The following MAN2A1 variants were observed in gnomAD, a reference collection of about 807,000 sequenced individuals.
The protein encoded by MAN2A1 is mannosidase alpha class 2A member 1.
Under a neutral mutation model 142.6 loss-of-function variants are expected in MAN2A1, and 76 were observed. That is an observed-to-expected ratio of 0.53 (90% CI 0.44 to 0.65). The LOEUF (loss-of-function observed/expected upper bound fraction) is 0.65. MAN2A1 is among the 30% of genes least tolerant of loss of function. The pLI is 0.00. For synonymous variants in MAN2A1, 559 were observed against 473.2 expected (o/e 1.18, Z -2.35); for missense variants, 1,311 against 1,365.1 (o/e 0.96, Z 0.62).
At chr5:109,805,556 C>T (rs1754142741) in intron 12 of MAN2A1, among the ~76,000 whole-genome samples, 1 of 152,214 alleles carries the variant, frequency 6.6e-6, no homozygotes, top group Admixed American at 6.5e-5. Flanking sequence ...GCAGATCTCA[C>T]TGTCAGATGC....
At chr5:109,855,098 G>A (rs746367459) in intron 19 of MAN2A1, 42 bp from the exon 20 acceptor site, 2 of 1,092,998 alleles carry the variant, frequency 1.8e-6, no homozygotes, top group South Asian at 2.1e-5. Flanking sequence ...GATGAGAACT[G>A]GAAATATAGA....
chr5:109,858,440 A>T (rs572561163), intron 20 of MAN2A1, among the ~76,000 whole-genome samples: 1 of 150,026 alleles, frequency 6.7e-6, no homozygotes, highest in African/African-American at 2.5e-5. Flanking sequence ...TGCTTATACT[A>T]AAAAAAAAGA....
At chr5:109,746,367 C>A (rs2112613785) in intron 4 of MAN2A1, among the ~76,000 whole-genome samples, 1 of 152,208 alleles carries the variant, frequency 6.6e-6, no homozygotes, top group South Asian at 2.1e-4. Context: ...TTAATATATG[C>A]CCCAATATAT....
rs1379854740 is a variant in MAN2A1 at position 109,716,176 on chromosome 5, G to A, written c.447G>A (p.Lys149=). Reference sequence around the variant, plus strand: ...ACAATCCAGATGGTGGAGTTTGGAAGCAAGGATTTGACATTACTTATGAAT... The same window carrying A: ...ACAATCCAGATGGTGGAGTTTGGAAACAAGGATTTGACATTACTTATGAAT... ...SFDNPDGGVW[K]QGFDITYESN... The change falls in exon 3 of 22, where the codon AAG becomes AAA. Residue 149 remains lysine, a synonymous_variant. Coordinates refer to ENST00000261483, the MANE Select transcript of MAN2A1 (RefSeq NM_002372.4). The A allele has an allele frequency of 3.1e-6, 5 of 1,611,654 alleles. No homozygotes were observed. Among genetic ancestry groups the A allele is most frequent in the African/African-American group, 1.3e-5 (1 of 74,852 alleles).
chr5:109,845,687 C>T (rs1313654745), intron 17 of MAN2A1, among the ~76,000 whole-genome samples, 178 bp from the exon 18 acceptor site: 1 of 152,000 alleles, frequency 6.6e-6, no homozygotes, highest in Non-Finnish European at 1.5e-5. Flanking sequence ...TTCTAATATC[C>T]TTGTGGTTTT....
chr5:109,800,212 C>T (rs1254359278), intron 12 of MAN2A1, among the ~76,000 whole-genome samples: 3 of 152,000 alleles, frequency 2.0e-5, no homozygotes, highest in Non-Finnish European at 4.4e-5. Flanking sequence ...TCTTTTAGAA[C>T]TCAGCTTAGA....
At chr5:109,726,556 C>G (rs1210972050) in intron 3 of MAN2A1, among the ~76,000 whole-genome samples, 6 of 152,156 alleles carry the variant, frequency 3.9e-5, no homozygotes. Flanking sequence ...CCATATTTTC[C>G]TCATGATTGT....
intron 4 of MAN2A1, among the ~76,000 whole-genome samples, chr5:109,744,942 C>G (rs1752359503): frequency 1.3e-5 from 2 of 152,008 alleles, no homozygotes; most frequent in African/African-American, 4.8e-5. Context: ...TGATAAATTA[C>G]TGAAATACAC....
intron 12 of MAN2A1, among the ~76,000 whole-genome samples, chr5:109,809,553 C>T (rs140176797): frequency 1.1e-4 from 17 of 152,068 alleles, no homozygotes; most frequent in Non-Finnish European, 1.3e-4. Context: ...GTTTCCTCAC[C>T]ACCTCAAATA....
At chr5:109,788,660 C>A (rs1035308533) in intron 10 of MAN2A1, among the ~76,000 whole-genome samples, 1 of 151,522 alleles carries the variant, frequency 6.6e-6, no homozygotes, top group Non-Finnish European at 1.5e-5. Flanking sequence ...TTATTTGGTG[C>A]GATATTCATA....
intron 16 of MAN2A1, among the ~76,000 whole-genome samples, chr5:109,831,876 A>G (rs1323008063): frequency 6.6e-6 from 1 of 151,688 alleles, no homozygotes; most frequent in African/African-American, 2.4e-5. Flanking sequence ...GGCTCTAAGT[A>G]TTTTATTTCT....
intron 1 of MAN2A1, among the ~76,000 whole-genome samples, chr5:109,712,848 C>G (rs1373845685): frequency 6.6e-6 from 1 of 152,072 alleles, no homozygotes; most frequent in East Asian, 1.9e-4. Context: ...AAAGATTGTC[C>G]CTGCTCTCAT....
intron 5 of MAN2A1, among the ~76,000 whole-genome samples, chr5:109,756,689 G>A (rs76697764): frequency 0.013 from 1,985 of 152,244 alleles, 37 homozygotes; most frequent in African/African-American, 0.046. Context: ...GCATGTTGCA[G>A]GTATCATGCC....
intron 8 of MAN2A1, among the ~76,000 whole-genome samples, chr5:109,779,576 C>T (rs930147180): frequency 7.4e-5 from 6 of 80,672 alleles, no homozygotes; most frequent in African/African-American, 2.2e-4. Context: ...CACACACACA[C>T]ACACACAAAC....
intron 5 of MAN2A1, among the ~76,000 whole-genome samples, chr5:109,757,329 A>G (rs913308554): frequency 6.6e-6 from 1 of 152,156 alleles, no homozygotes; most frequent in Non-Finnish European, 1.5e-5. Flanking sequence ...TGTAATTTAC[A>G]TGCAGTGGAA....
At chr5:109,740,083 T>C (rs1752223536) in intron 4 of MAN2A1, among the ~76,000 whole-genome samples, 1 of 152,190 alleles carries the variant, frequency 6.6e-6, no homozygotes, top group Non-Finnish European at 1.5e-5. Context: ...CCTGGACTTT[T>C]AGCCTGTCTT....
intron 8 of MAN2A1, among the ~76,000 whole-genome samples, chr5:109,781,181 A>G (rs1753445769): frequency 6.6e-6 from 1 of 152,138 alleles, no homozygotes; most frequent in Non-Finnish European, 1.5e-5. Flanking sequence ...GAAGTGTATA[A>G]GTTTTCCCTT....
chr5:109,818,170 C>T lies in MAN2A1; in HGVS notation c.2109+732C>T, dbSNP rs553366058. Among the ~76,000 whole-genome samples, 10 of 152,068 alleles carry T rather than the reference C, an allele frequency of 6.6e-5. No individual in the cohort carries two copies. The South Asian group carries it at 2.1e-3, about 32-fold the overall frequency. ...TATTATTATTTTTGAGACAGAATTTCGCTCTTGTTGCCCAGGCTGGAGTGC... is the reference window on the plus strand; with the variant it reads ...TATTATTATTTTTGAGACAGAATTTTGCTCTTGTTGCCCAGGCTGGAGTGC... On this transcript the variant is annotated intron_variant, in intron 13 of 21. Transcript: ENST00000261483.
At chr5:109,711,627 A>G (rs1024724151) in intron 1 of MAN2A1, among the ~76,000 whole-genome samples, 3 of 152,182 alleles carry the variant, frequency 2.0e-5, no homozygotes, top group Admixed American at 2.0e-4. Flanking sequence ...TGGAATCTAC[A>G]TGGTTCAACT....
Sources: allele counts gnomAD v4.1 joint callset (sites outside exome capture counted in the v4.1 genomes callset), GRCh38; gene constraint gnomAD v4.1.1; transcripts MANE v1.5; gene names NCBI Gene and HGNC (gene_info 2026-07-23, HGNC 2026-07-21).